The following SDHAF3 variants were observed in gnomAD, a reference collection of about 807,000 sequenced individuals.
The protein encoded by SDHAF3 is succinate dehydrogenase assembly factor 3, mitochondrial.
Under a neutral mutation model 11.5 loss-of-function variants are expected in SDHAF3, and 18 were observed. The observed-to-expected ratio is 1.56, with a 90% CI of 1.08 to 2.32. SDHAF3 has a LOEUF of 2.32. Among genes scored for constraint, SDHAF3 ranks in the 30% most tolerant of loss-of-function variants. The pLI is 0.00. For missense variants in SDHAF3, 200 were observed against 154.4 expected (o/e 1.30, Z -1.57); for synonymous variants, 72 against 59.3 (o/e 1.21, Z -0.99).
At chr7:97,135,265 G>T (rs981068772) in intron 1 of SDHAF3, 1 of 152,128 alleles carries the variant, frequency 6.6e-6, no homozygotes, top group Non-Finnish European at 1.5e-5. Context: ...TTGTGGATTT[G>T]TTCTTAGGAT....
intron 1 of SDHAF3, among the ~76,000 whole-genome samples, chr7:97,143,479 A>G (rs1562823958): frequency 6.6e-6 from 1 of 152,086 alleles, no homozygotes; most frequent in Non-Finnish European, 1.5e-5. Context: ...CCAAGTCCCC[A>G]AAGTCCATTG....
intron 1 of SDHAF3, among the ~76,000 whole-genome samples, chr7:97,130,303 CAT>C (rs994320115): frequency 1.7e-4 from 25 of 147,264 alleles, no homozygotes; most frequent in Admixed American, 7.4e-4. Context: ...ATGTAGAAAA[CAT>C]ATATGTGTGA....
At chr7:97,169,090 G>C (rs1219694976) in intron 1 of SDHAF3, among the ~76,000 whole-genome samples, 2 of 152,176 alleles carry the variant, frequency 1.3e-5, no homozygotes, top group Non-Finnish European at 2.9e-5. Flanking sequence ...CCAGCACTTT[G>C]GGAGGCCGAC....
At chr7:97,161,023 A>G (rs1219158218) in intron 1 of SDHAF3, among the ~76,000 whole-genome samples, 1 of 151,996 alleles carries the variant, frequency 6.6e-6, no homozygotes, top group Non-Finnish European at 1.5e-5. Flanking sequence ...AGTGAAACAC[A>G]TTTAGTAGAA....
At chr7:97,137,579 T>C (rs151072846) in intron 1 of SDHAF3, among the ~76,000 whole-genome samples, 16 of 152,332 alleles carry the variant, frequency 1.1e-4, no homozygotes, top group South Asian at 2.1e-4. Flanking sequence ...GTTTACTCAG[T>C]TATTCAATGT....
intron 1 of SDHAF3, among the ~76,000 whole-genome samples, chr7:97,159,947 T>G (rs1213252556): frequency 2.6e-5 from 4 of 152,214 alleles, no homozygotes; most frequent in Admixed American, 2.6e-4. Context: ...ATTCTATGAT[T>G]TTTGTCTGAG....
At chr7:97,170,499 G>A (rs952766603) in intron 1 of SDHAF3, among the ~76,000 whole-genome samples, 6 of 152,098 alleles carry the variant, frequency 3.9e-5, no homozygotes, top group Admixed American at 2.6e-4. Flanking sequence ...CTTATTTTCT[G>A]TGCTGACTTC....
At chr7:97,138,441 G>A (rs1788967061) in intron 1 of SDHAF3, among the ~76,000 whole-genome samples, 2 of 152,278 alleles carry the variant, frequency 1.3e-5, no homozygotes, top group South Asian at 4.1e-4. Context: ...AGGATTACAG[G>A]CATGAGCCAC....
intron 1 of SDHAF3, among the ~76,000 whole-genome samples, chr7:97,120,533 T>C (rs986598975): frequency 1.3e-5 from 2 of 152,072 alleles, no homozygotes; most frequent in Non-Finnish European, 2.9e-5. Flanking sequence ...TATGATTATG[T>C]TATACTAGAT....
At chr7:97,141,793 A>G (rs922983573) in intron 1 of SDHAF3, among the ~76,000 whole-genome samples, 7 of 152,074 alleles carry the variant, frequency 4.6e-5, no homozygotes, top group African/African-American at 1.7e-4. Context: ...ACTTAATGTT[A>G]TCTACATTGT....
At chr7:97,130,265 C>G (rs1053451726) in intron 1 of SDHAF3, among the ~76,000 whole-genome samples, 1 of 129,482 alleles carries the variant, frequency 7.7e-6, no homozygotes, top group Non-Finnish European at 1.6e-5. Flanking sequence ...GAGTGATACC[C>G]AGTCTAAAAA....
intron 1 of SDHAF3, among the ~76,000 whole-genome samples, chr7:97,171,211 G>C (rs1789597920): frequency 7.6e-6 from 1 of 131,234 alleles, no homozygotes; most frequent in African/African-American, 2.8e-5. Context: ...TCCCAACTTA[G>C]GTTTGTTGGT....
At chr7:97,169,693 A>C (rs1377856765) in intron 1 of SDHAF3, among the ~76,000 whole-genome samples, 3 of 152,096 alleles carry the variant, frequency 2.0e-5, no homozygotes, top group Non-Finnish European at 4.4e-5. Context: ...TCTATTGCTA[A>C]ATGCAGTTTT....
intron 1 of SDHAF3, among the ~76,000 whole-genome samples, chr7:97,124,798 G>A (rs1446002583): frequency 6.6e-6 from 1 of 152,128 alleles, no homozygotes; most frequent in Non-Finnish European, 1.5e-5. Context: ...CTCTCTGTTT[G>A]TCTATTATTG....
chr7:97,173,739 A>G (rs995462906), intron 1 of SDHAF3, among the ~76,000 whole-genome samples: 1 of 151,824 alleles, frequency 6.6e-6, no homozygotes, highest in Non-Finnish European at 1.5e-5. Flanking sequence ...TTTTTAGTAG[A>G]GACGAGGTTT....
chr7:97,152,915 T>C (rs1789247843), intron 1 of SDHAF3, among the ~76,000 whole-genome samples: 1 of 152,170 alleles, frequency 6.6e-6, no homozygotes, highest in South Asian at 2.1e-4. Flanking sequence ...ATGCCCGCCA[T>C]GGCCTCCCAA....
At chr7:97,150,857 C>T (rs995239613) in intron 1 of SDHAF3, among the ~76,000 whole-genome samples, 4 of 151,914 alleles carry the variant, frequency 2.6e-5, no homozygotes, top group South Asian at 2.1e-4. Flanking sequence ...CCACCGCACC[C>T]GGCCTAGGAA....
chr7:97,136,941 TATAAA>T (rs1174857673), intron 1 of SDHAF3, among the ~76,000 whole-genome samples: 4 of 152,168 alleles, frequency 2.6e-5, no homozygotes, highest in Admixed American at 6.5e-5. Context: ...ATACTGAAAA[TATAAA>T]ATAAAATAAA....
At chr7:97,180,142 GT>G (rs1216157796) in intron 1 of SDHAF3, among the ~76,000 whole-genome samples, 6 of 152,164 alleles carry the variant, frequency 3.9e-5, no homozygotes, top group Non-Finnish European at 7.4e-5. Flanking sequence ...ACATGAAAAA[GT>G]TTTTCTTGAC....
Sources: gnomAD v4.1 joint callset for allele counts (sites outside exome capture counted in the v4.1 genomes callset) on GRCh38, gnomAD v4.1.1 for gene constraint, MANE v1.5 for transcripts, NCBI Gene and HGNC (gene_info 2026-07-23, HGNC 2026-07-21) for gene names.